CCDC3: variants seen among roughly 807,000 people sequenced by gnomAD.
The protein encoded by CCDC3 is coiled-coil domain-containing protein 3.
In CCDC3, 24 loss-of-function variants were observed where a neutral mutation model predicts 21.4. The observed-to-expected ratio is 1.12, with a 90% CI of 0.81 to 1.58. The LOEUF (loss-of-function observed/expected upper bound fraction) is 1.58, where lower values mean the gene tolerates loss of function less well. CCDC3 is among the 40% of genes most tolerant of loss of function. The probability of loss-of-function intolerance (pLI) is 0.00; values close to 1 mark genes in which losing one functional copy is unlikely to be tolerated. For missense variants in CCDC3, 425 were observed against 360.9 expected, an observed-to-expected ratio of 1.18 and a Z score of -1.44; for synonymous variants, 186 against 166.0, an observed-to-expected ratio of 1.12 and a Z score of -0.93.
intron 4 of CCDC3, among the ~76,000 whole-genome samples, chr10:13,059,343 G>C (rs1047807561): frequency 6.6e-6 from 1 of 152,104 alleles, no homozygotes; most frequent in Non-Finnish European, 1.5e-5. Flanking sequence ...CACCTACTTT[G>C]GATATGAGAT....
chr10:12,920,762 G>A (rs908027085), intron 2 of CCDC3, among the ~76,000 whole-genome samples: 7 of 152,306 alleles, frequency 4.6e-5, no homozygotes, highest in Non-Finnish European at 8.8e-5. Flanking sequence ...TTATAAAAGC[G>A]AAGCTCAGAG....
At chr10:12,933,281 G>T (rs1463799201) in intron 2 of CCDC3, among the ~76,000 whole-genome samples, 1 of 152,086 alleles carries the variant, frequency 6.6e-6, no homozygotes, top group African/African-American at 2.4e-5. Context: ...TCTGGGCTTG[G>T]TGCTTTGAGT....
intron 2 of CCDC3, among the ~76,000 whole-genome samples, chr10:12,901,708 G>A (rs181154340): frequency 9.8e-5 from 15 of 152,292 alleles, no homozygotes; most frequent in Admixed American, 8.5e-4. Flanking sequence ...CACAGTAAAC[G>A]TTCACTAACT....
intron 5 of CCDC3, among the ~76,000 whole-genome samples, chr10:13,028,116 G>A (rs1323490792): frequency 6.6e-6 from 1 of 152,294 alleles, no homozygotes; most frequent in East Asian, 1.9e-4. Flanking sequence ...ATCTCGTCTT[G>A]AATTACAGCT....
chr10:13,057,261 C>T (rs1424761438), intron 4 of CCDC3, among the ~76,000 whole-genome samples: 11 of 151,938 alleles, frequency 7.2e-5, no homozygotes, highest in Admixed American at 5.2e-4. Context: ...CACTGCACTC[C>T]AGCCTGGGTG....
chr10:12,984,871 T>C (rs1462521678), intron 2 of CCDC3, among the ~76,000 whole-genome samples: 5 of 152,064 alleles, frequency 3.3e-5, no homozygotes, highest in East Asian at 1.9e-4. Context: ...GAGACAGAAA[T>C]AGACTAGCAA....
chr10:12,902,493 T>C (rs1308200594), intron 2 of CCDC3, among the ~76,000 whole-genome samples: 1 of 152,200 alleles, frequency 6.6e-6, no homozygotes, highest in Non-Finnish European at 1.5e-5. Context: ...CTACAAGTTA[T>C]GGTAGATTCT....
intron 5 of CCDC3, among the ~76,000 whole-genome samples, chr10:13,028,537 G>T (rs560945571): frequency 1.4e-4 from 21 of 152,096 alleles, no homozygotes; most frequent in African/African-American, 5.1e-4. Flanking sequence ...TTTTCCTAAT[G>T]TGAGAACTAC....
At chr10:12,907,950 G>C (rs1033208364) in intron 2 of CCDC3, among the ~76,000 whole-genome samples, 1 of 152,240 alleles carries the variant, frequency 6.6e-6, no homozygotes, top group Non-Finnish European at 1.5e-5. Context: ...GCCCTGCTGA[G>C]AGTTGGAGCG....
At chr10:12,959,123 A>C (rs1160292609) in intron 2 of CCDC3, among the ~76,000 whole-genome samples, 1 of 151,846 alleles carries the variant, frequency 6.6e-6, no homozygotes, top group African/African-American at 2.4e-5. Flanking sequence ...GCAGACCAGC[A>C]ATGGCCCCCA....
At chr10:13,078,312 A>G (rs1320130114) in intron 3 of CCDC3, among the ~76,000 whole-genome samples, 4 of 152,216 alleles carry the variant, frequency 2.6e-5, no homozygotes, top group Non-Finnish European at 5.9e-5. Context: ...ACAATGAGAT[A>G]CCATCTCACA....
intron 4 of CCDC3, among the ~76,000 whole-genome samples, chr10:13,069,286 G>C (rs1424586875): frequency 6.6e-6 from 1 of 152,164 alleles, no homozygotes; most frequent in South Asian, 2.1e-4. Context: ...TCTTGCAAAA[G>C]AAATTCCATG....
At chr10:13,055,588 G>T (rs548479678) in intron 4 of CCDC3, among the ~76,000 whole-genome samples, 1 of 152,262 alleles carries the variant, frequency 6.6e-6, no homozygotes, top group South Asian at 2.1e-4. Context: ...GCCTCCCAAA[G>T]TGCTGAGATT....
chr10:13,088,504 T>C (rs1474617832), intron 3 of CCDC3, among the ~76,000 whole-genome samples: 2 of 152,152 alleles, frequency 1.3e-5, no homozygotes, highest in Non-Finnish European at 2.9e-5. Context: ...TGAATCATAT[T>C]GAGAAATAGG....
intron 4 of CCDC3, among the ~76,000 whole-genome samples, chr10:13,059,744 C>T (rs1488237260): frequency 6.6e-6 from 1 of 152,108 alleles, no homozygotes; most frequent in Non-Finnish European, 1.5e-5. Flanking sequence ...CCTCATTTCT[C>T]TTGTGCATTC....
intron 2 of CCDC3, among the ~76,000 whole-genome samples, chr10:12,992,806 A>G (rs1391721727): frequency 2.0e-5 from 3 of 152,156 alleles, no homozygotes; most frequent in Admixed American, 2.0e-4. Context: ...GACTGAAATA[A>G]TGATTTTTAA....
intron 2 of CCDC3, among the ~76,000 whole-genome samples, chr10:12,907,629 G>A (rs1834194057): frequency 6.6e-6 from 1 of 151,998 alleles, no homozygotes; most frequent in African/African-American, 2.4e-5. Flanking sequence ...GGGTGACAGA[G>A]CAAGACTCTG....
At chr10:12,971,281 G>A (rs1835339552) in intron 2 of CCDC3, among the ~76,000 whole-genome samples, 2 of 152,232 alleles carry the variant, frequency 1.3e-5, no homozygotes, top group Non-Finnish European at 2.9e-5. Context: ...CTGAAACAAT[G>A]CCTGGGCAGA....
At chr10:12,959,929 G>A (rs1467782577) in intron 2 of CCDC3, among the ~76,000 whole-genome samples, 3 of 152,162 alleles carry the variant, frequency 2.0e-5, no homozygotes, top group Admixed American at 6.5e-5. Context: ...TGAAGCAAGC[G>A]GATAATTTGA....
Sources: allele counts gnomAD v4.1 joint callset (sites outside exome capture counted in the v4.1 genomes callset), GRCh38; gene constraint gnomAD v4.1.1; transcripts MANE v1.5; gene names NCBI Gene and HGNC (gene_info 2026-07-23, HGNC 2026-07-21).